The following AVEN variants were observed in gnomAD, a reference collection of about 807,000 sequenced individuals.
The protein encoded by AVEN is cell death regulator Aven.
A neutral mutation model predicts 38.1 loss-of-function variants in AVEN; 41 were observed. The observed-to-expected ratio is 1.08, with a 90% CI of 0.84 to 1.40. The LOEUF (loss-of-function observed/expected upper bound fraction) is 1.40. Among genes scored for constraint, AVEN ranks in the 40% most tolerant of loss-of-function variants. The pLI, the probability that AVEN is intolerant of heterozygous loss-of-function variation, is 0.00. For synonymous variants in AVEN, 206 were observed against 171.8 expected (o/e 1.20, Z -1.56); for missense variants, 605 against 438.8 (o/e 1.38, Z -3.38).
intron 2 of AVEN, among the ~76,000 whole-genome samples, chr15:33,981,717 T>G (rs146492684): frequency 4.6e-5 from 7 of 152,334 alleles, no homozygotes; most frequent in Non-Finnish European, 7.4e-5. Context: ...CCTAACTTCT[T>G]TGAGCTTAAT....
intron 11 of AVEN, chr15:33,860,740 C>G (rs997953661): frequency 2.7e-6 from 3 of 1,097,342 alleles, no homozygotes; most frequent in Admixed American, 4.4e-5. Context: ...ATAGGTTTTA[C>G]TATTACTTAG....
At chr15:34,064,202 T>C in intron 4 of AVEN, 1 of 1,614,226 alleles carries the variant, frequency 6.2e-7, no homozygotes, top group South Asian at 1.1e-5. Flanking sequence ...CCATCTGCTA[T>C]GCCCTCTGCA....
chr15:33,920,357 C>G lies in AVEN; in HGVS notation c.446-44362G>C, dbSNP rs118010794. On this transcript the variant is annotated intron_variant, in intron 2 of 5. Coordinates refer to ENST00000306730, the MANE Select transcript of AVEN (RefSeq NM_020371.3). ...AACTCATTTCCCCATCTCCCCAACC[C>G]CTAGCAACCACCATTCTACTGCTTC... Among the ~76,000 whole-genome samples, 86 of 152,302 alleles carry G rather than the reference C, an allele frequency of 5.6e-4. No individual in the cohort carries two copies. The East Asian group carries it at 0.015, about 26-fold the overall frequency.
intron 2 of AVEN, among the ~76,000 whole-genome samples, chr15:33,929,898 G>A (rs1054795457): frequency 4.6e-5 from 7 of 152,058 alleles, no homozygotes; most frequent in Non-Finnish European, 7.4e-5. Context: ...AACTACTAGG[G>A]AACTGAATAA....
At chr15:33,990,856 GGT>G (rs1244337525) in intron 2 of AVEN, 1 of 152,116 alleles carries the variant, frequency 6.6e-6, no homozygotes, top group Non-Finnish European at 1.5e-5. Context: ...AAATTCAACA[GGT>G]TAAATTACCT....
At chr15:34,056,719 C>T (rs1027693438) in intron 5 of AVEN, among the ~76,000 whole-genome samples, 5 of 152,022 alleles carry the variant, frequency 3.3e-5, no homozygotes, top group Non-Finnish European at 5.9e-5. Flanking sequence ...AGAGGTAGAG[C>T]GCCCACCAAA....
intron 2 of AVEN, among the ~76,000 whole-genome samples, chr15:33,992,261 G>A (rs755171840): frequency 5.9e-5 from 9 of 152,136 alleles, no homozygotes; most frequent in Non-Finnish European, 1.3e-4. Context: ...GTGGTGGCGG[G>A]CACCTGTAGT....
At chr15:33,860,569 C>G (rs1392434726) in intron 11 of AVEN, 1 of 1,484,486 alleles carries the variant, frequency 6.7e-7, no homozygotes, top group Admixed American at 2.0e-5. Context: ...ACACAGATTG[C>G]TTTGTCTTTG....
chr15:33,958,590 CAAGA>C (rs1895048155), intron 2 of AVEN, among the ~76,000 whole-genome samples: 2 of 141,592 alleles, frequency 1.4e-5, no homozygotes, highest in African/African-American at 2.7e-5. Flanking sequence ...GACCCTATCT[CAAGA>C]AAAAAAAAAA....
At chr15:34,073,651 G>A (rs1198929732) in intron 1 of AVEN, among the ~76,000 whole-genome samples, 1 of 151,468 alleles carries the variant, frequency 6.6e-6, no homozygotes, top group African/African-American at 2.4e-5. Flanking sequence ...CTCCCGAGTA[G>A]CTGGGATAAC....
chr15:34,048,864 C>T (rs1899825517), intron 5 of AVEN, among the ~76,000 whole-genome samples: 1 of 152,190 alleles, frequency 6.6e-6, no homozygotes, highest in Non-Finnish European at 1.5e-5. Flanking sequence ...TGCTGTTTTG[C>T]ATACCTGGTG....
At chr15:33,894,828 AC>A (rs1892161294) in intron 2 of AVEN, among the ~76,000 whole-genome samples, 1 of 9,136 alleles carries the variant, frequency 1.1e-4, no homozygotes, top group African/African-American at 1.3e-4. Context: ...AAAAATAATA[AC>A]AATAATAATA....
chr15:34,032,017 G>A (rs55725402), intron 1 of AVEN, among the ~76,000 whole-genome samples: 7,855 of 84,932 alleles, frequency 0.092, 239 homozygotes, highest in African/African-American at 0.1. Flanking sequence ...ACATACGCGC[G>A]CACACGCACA....
downstream of AVEN, chr15:33,864,791 C>T (rs183085345): frequency 9.0e-5 from 21 of 233,048 alleles, no homozygotes; most frequent in African/African-American, 2.9e-4. Flanking sequence ...ATGCAATAAA[C>T]GTTCCCTCAA....
chr15:34,051,978 C>T (rs574138269), intron 5 of AVEN, among the ~76,000 whole-genome samples: 1 of 152,262 alleles, frequency 6.6e-6, no homozygotes, highest in Admixed American at 6.5e-5. Context: ...AGGAGGGACT[C>T]CTCCCTGACT....
intron 2 of AVEN, among the ~76,000 whole-genome samples, chr15:33,882,751 T>C (rs2153038318): frequency 6.6e-6 from 1 of 152,048 alleles, no homozygotes; most frequent in Non-Finnish European, 1.5e-5. Context: ...CCCGCACCTA[T>C]AGTCTCAGCT....
At chr15:34,036,491 G>C (rs1899133050) in intron 1 of AVEN, among the ~76,000 whole-genome samples, 1 of 152,140 alleles carries the variant, frequency 6.6e-6, no homozygotes, top group African/African-American at 2.4e-5. Flanking sequence ...TGCACCATGG[G>C]ATATGAGAAC....
chr15:33,921,341 G>C lies in AVEN; in HGVS notation c.446-45346C>G, dbSNP rs114742936. On this transcript the variant is annotated intron_variant, in intron 2 of 5. Transcript: ENST00000306730. ...AAGTTCCAGGTGACAGACACAGACA[G>C]TAACTACTAATTCCAAAAAGAGTCT... Among the ~76,000 whole-genome samples, 1,455 of 152,292 alleles carry C rather than the reference G, an allele frequency of 9.6e-3. 25 individuals are homozygous for C. Among genetic ancestry groups the C allele is most frequent in the African/African-American group, 0.033 (1,386 of 41,536 alleles).
chr15:34,065,541 G>A (rs1460614433), intron 4 of AVEN: 2 of 152,064 alleles, frequency 1.3e-5, no homozygotes, highest in African/African-American at 4.8e-5. Context: ...TCCAAATTCG[G>A]TCACAAATGA....
Sources: gnomAD v4.1 joint callset for allele counts (sites outside exome capture counted in the v4.1 genomes callset) on GRCh38, gnomAD v4.1.1 for gene constraint, MANE v1.5 for transcripts, NCBI Gene and HGNC (gene_info 2026-07-23, HGNC 2026-07-21) for gene names.